AFF3: variants seen among roughly 807,000 people sequenced by gnomAD.
AFF3 encodes the protein AF4/FMR2 family member 3.
AFF3 carries 32 observed loss-of-function variants against 129.7 expected under a neutral mutation model. That is an observed-to-expected ratio of 0.25 (90% CI 0.19 to 0.33). AFF3 has a LOEUF of 0.33. Ranked by LOEUF, AFF3 falls within the 10% of genes least tolerant of loss-of-function variation. AFF3 has a pLI of 1.00. For missense variants in AFF3, 1,373 were observed against 1,592.0 expected, an observed-to-expected ratio of 0.86 and a Z score of 2.34; for synonymous variants, 644 against 635.4, an observed-to-expected ratio of 1.01 and a Z score of -0.20.
At chr2:99,802,368 T>C (rs1686004578) in intron 8 of AFF3, among the ~76,000 whole-genome samples, 1 of 152,160 alleles carries the variant, frequency 6.6e-6, no homozygotes, top group Non-Finnish European at 1.5e-5. Context: ...TATTCCCACT[T>C]ACATTAAAAG....
chr2:99,636,572 A>G (rs1683677644), intron 13 of AFF3, among the ~76,000 whole-genome samples: 1 of 152,230 alleles, frequency 6.6e-6, no homozygotes, highest in African/African-American at 2.4e-5. Context: ...GGACAATTAC[A>G]TAGAGGAAGT....
chr2:99,656,774 A>C (rs1377742627), intron 12 of AFF3, among the ~76,000 whole-genome samples: 2 of 152,172 alleles, frequency 1.3e-5, no homozygotes, highest in Non-Finnish European at 1.5e-5. Context: ...GACAAAGGAA[A>C]AATTCTTACT....
intron 11 of AFF3, among the ~76,000 whole-genome samples, chr2:99,701,704 C>T (rs1021845752): frequency 2.0e-5 from 3 of 152,158 alleles, no homozygotes; most frequent in Non-Finnish European, 2.9e-5. Context: ...TGTGTGTGCA[C>T]GTAGCTATAT....
chr2:99,686,394 C>T (rs762130901), intron 11 of AFF3, among the ~76,000 whole-genome samples: 1 of 152,184 alleles, frequency 6.6e-6, no homozygotes, highest in Non-Finnish European at 1.5e-5. Context: ...CTCTCCAGGA[C>T]TCATACTCCC....
rs752388972 is a variant in AFF3 at position 99,623,385 on chromosome 2, C to T, written c.1185-21764G>A. ...CAATTGGTCAAGGCATTTTAATTTG[C>T]TACTTAATGTCATGCTTGCTGGGCA... On this transcript the variant is annotated intron_variant, in intron 13 of 24. Coordinates refer to ENST00000672756, the MANE Select transcript of AFF3 (RefSeq NM_001386135.1). 5.9e-5 allele frequency among the ~76,000 whole-genome samples: 9 copies of T among 152,264 alleles called. No homozygotes were observed. The South Asian group carries it at 1.0e-3, about 18-fold the overall frequency.
In AFF3 at chr2:100,072,820, A is replaced by G. The variant is rs1461610915; in HGVS notation, c.53+31582T>C. Among the ~76,000 whole-genome samples, 2 of 152,088 alleles carry G rather than the reference A, an allele frequency of 1.3e-5. 1 individual carries two copies. The highest frequency in any genetic ancestry group is 3.8e-4 in the East Asian group (2 of 5,198). On this transcript the variant is annotated intron_variant, in intron 4 of 24. Transcript: ENST00000672756. ...TGCTGTTTCTTCTCGTTTGTATTTT[A>G]TCTTTGCCTTTTCACCTTCATTTCC... is the stretch of plus-strand genomic sequence containing the variant.
At chr2:99,682,201 C>T (rs1232892158) in intron 11 of AFF3, among the ~76,000 whole-genome samples, 1 of 152,138 alleles carries the variant, frequency 6.6e-6, no homozygotes, top group South Asian at 2.1e-4. Flanking sequence ...GCCACCACAC[C>T]TGGCCACTGC....
At position 99,692,945 on chromosome 2, in the gene AFF3, A is replaced by G. The variant is rs184130855; in HGVS notation, c.1092-20356T>C. 3.2e-3 allele frequency among the ~76,000 whole-genome samples: 480 copies of G among 152,300 alleles called. 4 individuals carry two copies. The highest frequency in any genetic ancestry group is 0.011 in the African/African-American group (462 of 41,564). On this transcript the variant is annotated intron_variant, in intron 11 of 24. Coordinates refer to ENST00000672756, the MANE Select transcript of AFF3 (RefSeq NM_001386135.1). ...GACTCTCTGAACAGGTACCTCTATC[A>G]CAGCTCCTGTCACCTTATATTGAAG... is the stretch of plus-strand genomic sequence containing the variant.
At chr2:99,937,022 G>A (rs1401847377) in intron 7 of AFF3, among the ~76,000 whole-genome samples, 1 of 152,196 alleles carries the variant, frequency 6.6e-6, no homozygotes, top group African/African-American at 2.4e-5. Flanking sequence ...GAAAAGAGAA[G>A]CAGGGTAGGA....
chr2:99,566,156 A>C, intron 19 of AFF3, among the ~76,000 whole-genome samples: 1 of 151,696 alleles, frequency 6.6e-6, no homozygotes, highest in Non-Finnish European at 1.5e-5. Flanking sequence ...GTCTCCCTGC[A>C]ACCTCTGCCT....
chr2:100,105,682 A>G lies in AFF3; in HGVS notation c.-144-99T>C, dbSNP rs1382900226. The G allele has an allele frequency of 5.2e-6, 7 of 1,351,014 alleles. No individual in the cohort carries two copies. The East Asian group carries it at 2.3e-4, about 45-fold the overall frequency. The allele number at this position is 1,351,014 out of a possible 1,614,324, so 83.7% of individuals were successfully genotyped here. A position where few individuals can be genotyped will look rare whatever the true frequency, so the allele number is the denominator to read the frequency against. ...TTCCCCCTGGCTTACTTTTTTAGAC[A>G]TGCTGAGAAGCGCATGTCTCCATCA... On this transcript the variant is annotated intron_variant, in intron 2 of 24. Coordinates refer to ENST00000672756, the MANE Select transcript of AFF3 (RefSeq NM_001386135.1).
rs535476040 is a variant in AFF3, at chr2:99,895,183, G to A, written c.874-57659C>T. Among the ~76,000 whole-genome samples the A allele has an allele frequency of 9.8e-5, 15 of 152,338 alleles. 2 individuals carry two copies. In the South Asian group the frequency reaches 3.1e-3, roughly 32 times the overall value. ...GAGCATGGCTATTTCTACTGGATATGTTCTGAGCAAGGAACATCAAGCTCG... is the reference window on the plus strand; with the variant it reads ...GAGCATGGCTATTTCTACTGGATATATTCTGAGCAAGGAACATCAAGCTCG... On this transcript the variant is annotated intron_variant, in intron 7 of 24. Coordinates refer to ENST00000672756, the MANE Select transcript of AFF3 (RefSeq NM_001386135.1).
intron 11 of AFF3, among the ~76,000 whole-genome samples, chr2:99,673,115 TTGTTTA>T (rs1055856499): frequency 6.6e-6 from 1 of 152,032 alleles, no homozygotes; most frequent in African/African-American, 2.4e-5. Flanking sequence ...CCACAATTAC[TTGTTTA>T]GTGTTTTCCA....
chr2:100,105,797 G>T (rs1356150833), intron 2 of AFF3: 11 of 1,353,378 alleles, frequency 8.1e-6, no homozygotes, highest in Non-Finnish European at 1.1e-5. Context: ...CCACAGCTCC[G>T]GATTCTCACC....
chr2:99,792,244 C>A (rs1185403734), intron 8 of AFF3, among the ~76,000 whole-genome samples: 2 of 152,096 alleles, frequency 1.3e-5, no homozygotes, highest in Non-Finnish European at 2.9e-5. Context: ...GGGACTGAGG[C>A]TAGAGGATCA....
chr2:99,970,252 C>T (rs939445940), intron 7 of AFF3, among the ~76,000 whole-genome samples: 1 of 152,148 alleles, frequency 6.6e-6, no homozygotes, highest in Admixed American at 6.5e-5. Flanking sequence ...CCACCTGTGA[C>T]CCAGAGACGT....
At chr2:99,954,362 T>C (rs998900323) in intron 7 of AFF3, among the ~76,000 whole-genome samples, 1 of 152,120 alleles carries the variant, frequency 6.6e-6, no homozygotes, top group South Asian at 2.1e-4. Flanking sequence ...TGTGGCAATT[T>C]CTCAGGGATC....
At chr2:99,816,051 T>C (rs1287389802) in intron 8 of AFF3, among the ~76,000 whole-genome samples, 3 of 152,126 alleles carry the variant, frequency 2.0e-5, no homozygotes, top group Non-Finnish European at 2.9e-5. Flanking sequence ...TTTTTTTTTT[T>C]TTTTAAATCT....
intron 4 of AFF3, among the ~76,000 whole-genome samples, chr2:100,051,875 G>C (rs1204257833): frequency 6.6e-6 from 1 of 152,214 alleles, no homozygotes; most frequent in Non-Finnish European, 1.5e-5. Flanking sequence ...GGAGAGATTT[G>C]ATCAATTAAA....
Sources: gnomAD v4.1 joint callset for allele counts (sites outside exome capture counted in the v4.1 genomes callset) on GRCh38, gnomAD v4.1.1 for gene constraint, MANE v1.5 for transcripts, NCBI Gene and HGNC (gene_info 2026-07-23, HGNC 2026-07-21) for gene names.